Variants in TRAPPC12 observed in about 807,000 individuals in gnomAD.
TRAPPC12 encodes TPR repeat protein 15.
A neutral mutation model predicts 69.2 loss-of-function variants in TRAPPC12; 61 were observed. The observed-to-expected ratio is 0.88, with a 90% confidence interval of 0.72 to 1.09. TRAPPC12 has a LOEUF of 1.09. Among genes scored for constraint, TRAPPC12 ranks in the 50% least tolerant of loss-of-function variants. The pLI is 0.00. For synonymous variants in TRAPPC12, 469 were observed against 438.9 expected, an observed-to-expected ratio of 1.07 and a Z score of -0.86; for missense variants, 1,101 against 1,016.4, an observed-to-expected ratio of 1.08 and a Z score of -1.13.
intron 1 of TRAPPC12, among the ~76,000 whole-genome samples, chr2:3,383,037 C>G (rs1433646148): frequency 2.0e-5 from 3 of 152,080 alleles, no homozygotes; most frequent in Non-Finnish European, 2.9e-5. Flanking sequence ...AGATAATGTG[C>G]TTTTTAAACT....
rs968909889 is a variant in TRAPPC12 at position 3,379,774 on chromosome 2, G to A, written c.-107G>A. 6.6e-6 allele frequency: 1 copy of A among 152,262 alleles called. No individual in the cohort carries two copies. The highest frequency in any genetic ancestry group is 1.5e-5 in the Non-Finnish European group (1 of 68,166). 9.4% of individuals were successfully genotyped at this position (152,262 alleles called of 1,614,324 possible). A position where few individuals can be genotyped will look rare whatever the true frequency, so the allele number is the denominator to read the frequency against. On this transcript the variant is annotated 5_prime_UTR_variant, in exon 1 of 12. Coordinates refer to ENST00000324266, the MANE Select transcript of TRAPPC12 (RefSeq NM_016030.6). ...GCGCAGGCGTACAGAGCTCCCCGGG[G>A]GTGCCAGTTCCTCTCCGATTCCCGG... is the stretch of plus-strand genomic sequence containing the variant.
intron 9 of TRAPPC12, among the ~76,000 whole-genome samples, chr2:3,473,187 G>A (rs937766099): frequency 2.0e-5 from 3 of 152,172 alleles, no homozygotes; most frequent in Non-Finnish European, 4.4e-5. Context: ...AGCAGGTGAG[G>A]GGGGGTCAGG....
At chr2:3,398,911 T>TC (rs1367882337) in intron 2 of TRAPPC12, among the ~76,000 whole-genome samples, 1 of 152,186 alleles carries the variant, frequency 6.6e-6, no homozygotes, top group African/African-American at 2.4e-5. Flanking sequence ...CTAGCTGGAT[T>TC]CCATCCCAGG....
intron 3 of TRAPPC12, among the ~76,000 whole-genome samples, chr2:3,409,777 AAG>A (rs1661950048): frequency 7.0e-6 from 1 of 143,132 alleles, no homozygotes; most frequent in Non-Finnish European, 1.5e-5. Flanking sequence ...AAAAAAAAAA[AAG>A]GGGAAGAAAT....
rs113379242 is a variant in TRAPPC12 at position 3,432,992 on chromosome 2, T to C, written c.1417+8329T>C. Among the ~76,000 whole-genome samples, 1,211 of 152,306 alleles carry C rather than the reference T, an allele frequency of 8.0e-3. 24 individuals carry two copies. The highest frequency in any genetic ancestry group is 0.027 in the African/African-American group (1,126 of 41,560). On this transcript the variant is annotated intron_variant, in intron 5 of 11. Transcript: ENST00000324266. ...TTAAGCAAATCATTTAAATAAGAAA[T>C]ATTTAAGGTATTTTTTTCTCTTAGG...
At chr2:3,465,068 C>T (rs1665733172) in intron 8 of TRAPPC12, among the ~76,000 whole-genome samples, 1 of 151,534 alleles carries the variant, frequency 6.6e-6, no homozygotes, top group African/African-American at 2.4e-5. Flanking sequence ...ACGCACTCTG[C>T]AAGGCCGACC....
At chr2:3,401,392 C>T (rs116022984) in intron 2 of TRAPPC12, among the ~76,000 whole-genome samples, 222 of 152,356 alleles carry the variant, frequency 1.5e-3, no homozygotes, top group African/African-American at 5.0e-3. Flanking sequence ...CCAGCAGTGT[C>T]ACCTTCATGC....
chr2:3,393,652 A>G (rs956505083), intron 2 of TRAPPC12, among the ~76,000 whole-genome samples: 1 of 151,140 alleles, frequency 6.6e-6, no homozygotes, highest in African/African-American at 2.4e-5. Context: ...TAAATATTCT[A>G]AAATTTAAAA....
At chr2:3,419,321 A>G (rs540350336) in intron 3 of TRAPPC12, among the ~76,000 whole-genome samples, 11 of 152,310 alleles carry the variant, frequency 7.2e-5, no homozygotes, top group Admixed American at 5.9e-4. Context: ...TCACTCTTTC[A>G]CATTTGCAAT....
At chr2:3,430,881 T>C (rs994676572) in intron 5 of TRAPPC12, among the ~76,000 whole-genome samples, 1 of 151,116 alleles carries the variant, frequency 6.6e-6, no homozygotes, top group Non-Finnish European at 1.5e-5. Context: ...CCGCTGGGTG[T>C]GGGAGGAGCT....
At chr2:3,451,362 T>C (rs1255610931) in intron 6 of TRAPPC12, among the ~76,000 whole-genome samples, 1 of 152,212 alleles carries the variant, frequency 6.6e-6, no homozygotes, top group African/African-American at 2.4e-5. Context: ...AGTCTGAGTC[T>C]GGAATCGTCT....
intron 5 of TRAPPC12, among the ~76,000 whole-genome samples, chr2:3,426,773 C>T (rs545083372): frequency 7.1e-4 from 108 of 152,342 alleles, no homozygotes; most frequent in African/African-American, 2.5e-3. Context: ...TCCTCTCTCC[C>T]CCGGAGCAAG....
intron 6 of TRAPPC12, chr2:3,456,320 T>G (rs956848237): frequency 6.6e-6 from 1 of 152,150 alleles, no homozygotes; most frequent in Non-Finnish European, 1.5e-5. Context: ...CCTCACCTCC[T>G]GGGGTGGGCC....
intron 3 of TRAPPC12, among the ~76,000 whole-genome samples, chr2:3,410,595 G>C (rs1007183172): frequency 6.6e-6 from 1 of 152,028 alleles, no homozygotes; most frequent in Non-Finnish European, 1.5e-5. Flanking sequence ...ATACATAGTG[G>C]GTATAAAATG....
chr2:3,382,891 C>T (rs1201155734), intron 1 of TRAPPC12, among the ~76,000 whole-genome samples: 1 of 152,222 alleles, frequency 6.6e-6, no homozygotes, highest in Admixed American at 6.5e-5. Context: ...TCCCATTGCA[C>T]TCCCGCCAGG....
At chr2:3,387,465 C>G (rs1660544289) in intron 1 of TRAPPC12, among the ~76,000 whole-genome samples, 155 bp from the exon 2 acceptor site, 1 of 152,166 alleles carries the variant, frequency 6.6e-6, no homozygotes, top group Non-Finnish European at 1.5e-5. Context: ...TTAAGGTGGT[C>G]AATTTTATGT....
At chr2:3,423,938 T>C (rs1662959338) in intron 4 of TRAPPC12, among the ~76,000 whole-genome samples, 1 of 152,206 alleles carries the variant, frequency 6.6e-6, no homozygotes, top group Admixed American at 6.5e-5. Flanking sequence ...CCTTTGTCCT[T>C]ACGTTCCCTG....
At chr2:3,387,117 G>A (rs2103425830) in intron 1 of TRAPPC12, among the ~76,000 whole-genome samples, 1 of 152,288 alleles carries the variant, frequency 6.6e-6, no homozygotes, top group East Asian at 1.9e-4. Flanking sequence ...GCTAAAAGAT[G>A]GGAGCAACCC....
At chr2:3,430,291 A>G (rs1192395837) in intron 5 of TRAPPC12, among the ~76,000 whole-genome samples, 2 of 152,178 alleles carry the variant, frequency 1.3e-5, no homozygotes, top group Non-Finnish European at 2.9e-5. Context: ...TTAAAGTGGC[A>G]TATGTGAGAG....
Sources: allele counts gnomAD v4.1 joint callset (sites outside exome capture counted in the v4.1 genomes callset), GRCh38; gene constraint gnomAD v4.1.1; transcripts MANE v1.5; gene names NCBI Gene and HGNC (gene_info 2026-07-23, HGNC 2026-07-21).